Variants in DENND1B observed in about 807,000 individuals in gnomAD.
DENND1B encodes DENN domain-containing protein 1B.
In DENND1B, 59 loss-of-function variants were observed where a neutral mutation model predicts 90.1. The ratio of observed to expected loss-of-function variants is 0.65; its 90% CI spans 0.53 to 0.81. The LOEUF (loss-of-function observed/expected upper bound fraction) is 0.81. Among genes scored for constraint, DENND1B ranks in the 40% least tolerant of loss-of-function variants. DENND1B has a pLI of 0.00. For synonymous variants in DENND1B, 337 were observed against 324.6 expected, an observed-to-expected ratio of 1.04 and a Z score of -0.41; for missense variants, 862 against 912.6, an observed-to-expected ratio of 0.94 and a Z score of 0.71.
intron 10 of DENND1B, among the ~76,000 whole-genome samples, chr1:197,636,922 G>A (rs767052062): frequency 6.6e-6 from 1 of 151,940 alleles, no homozygotes; most frequent in African/African-American, 2.4e-5. Context: ...GGGAAAAGAT[G>A]GCGAGTTGCA....
At chr1:197,686,758 A>AT (rs1657284598) in intron 3 of DENND1B, among the ~76,000 whole-genome samples, 1 of 146,722 alleles carries the variant, frequency 6.8e-6, no homozygotes, top group South Asian at 2.2e-4. Flanking sequence ...TATCTTTGTC[A>AT]TTTCTTTTCA....
At chr1:197,694,930 C>A (rs183633258) in intron 3 of DENND1B, among the ~76,000 whole-genome samples, 1 of 151,076 alleles carries the variant, frequency 6.6e-6, no homozygotes, top group African/African-American at 2.4e-5. Context: ...CTAAAATGTA[C>A]GCAAAAATAT....
chr1:197,642,880 AT>A, intron 9 of DENND1B, 59 bp from the exon 10 acceptor site: 1 of 1,150,512 alleles, frequency 8.7e-7, no homozygotes. Flanking sequence ...GAAGAAAAAC[AT>A]TTTACACACT....
chr1:197,604,999 G>A (rs1676540286), intron 13 of DENND1B, among the ~76,000 whole-genome samples: 1 of 150,930 alleles, frequency 6.6e-6, no homozygotes, highest in South Asian at 2.1e-4. Context: ...TTCAGTAAAT[G>A]GTCCTAGCTC....
Position 197,587,465 on chromosome 1 carries a change from A to T in DENND1B, c.1048-4212T>A, listed in dbSNP as rs115926980. Among the ~76,000 whole-genome samples, 898 of 152,324 alleles carry T rather than the reference A, an allele frequency of 5.9e-3. 13 individuals carry two copies. Among genetic ancestry groups the T allele is most frequent in the African/African-American group, 0.02 (841 of 41,566 alleles). ...GCCCAACAAAGGAACATAAACAGCT[A>T]TCAGGAAAACATAATCTGCAGTAGA... On this transcript the variant is annotated intron_variant, in intron 14 of 22. Coordinates refer to ENST00000620048, the MANE Select transcript of DENND1B (RefSeq NM_001195215.2).
chr1:197,592,979 T>C (rs1354095023), intron 14 of DENND1B, among the ~76,000 whole-genome samples: 1 of 152,114 alleles, frequency 6.6e-6, no homozygotes, highest in Admixed American at 6.6e-5. Flanking sequence ...GAAACTTCTC[T>C]CTGCACTTAG....
At chr1:197,525,244 T>C (rs1669060666) in intron 20 of DENND1B, among the ~76,000 whole-genome samples, 1 of 152,168 alleles carries the variant, frequency 6.6e-6, no homozygotes, top group African/African-American at 2.4e-5. Flanking sequence ...AAATACATTG[T>C]TTCATTATTT....
At chr1:197,662,817 TCCA>T (rs976764434) in intron 5 of DENND1B, among the ~76,000 whole-genome samples, 1 of 152,084 alleles carries the variant, frequency 6.6e-6, no homozygotes, top group Non-Finnish European at 1.5e-5. Flanking sequence ...ATATGTCCTA[TCCA>T]CTGAAGCAAA....
chr1:197,677,346 G>T (rs1163021706), intron 3 of DENND1B, among the ~76,000 whole-genome samples: 21 of 151,990 alleles, frequency 1.4e-4, no homozygotes, highest in Admixed American at 1.4e-3. Context: ...ACTACTTTCT[G>T]GTATGACTTT....
At chr1:197,624,480 A>G (rs1678468266) in intron 10 of DENND1B, among the ~76,000 whole-genome samples, 1 of 151,698 alleles carries the variant, frequency 6.6e-6, no homozygotes, top group South Asian at 2.1e-4. Context: ...AGAGGATAAT[A>G]CAGGAGAAAA....
At chr1:197,639,531 G>A (rs1281712935) in intron 10 of DENND1B, among the ~76,000 whole-genome samples, 1 of 152,036 alleles carries the variant, frequency 6.6e-6, no homozygotes, top group Non-Finnish European at 1.5e-5. Context: ...GTAAATAACT[G>A]AGACAAAATT....
chr1:197,642,987 C>T (rs539592064), intron 9 of DENND1B, among the ~76,000 whole-genome samples, 166 bp from the exon 10 acceptor site: 2 of 152,174 alleles, frequency 1.3e-5, no homozygotes, highest in African/African-American at 4.8e-5. Flanking sequence ...ACATAAAGTA[C>T]ATAATATTCT....
rs763862664 is a variant in DENND1B at position 197,715,078 on chromosome 1, T to TA, written c.83-5dup. 7.3e-5 allele frequency: 118 copies of TA among 1,609,926 alleles called. No individual in the cohort carries two copies. The highest frequency in any genetic ancestry group is 3.4e-4 in the East Asian group (15 of 44,714). ...AATTTCCACAATACCACAGGATCTG[T>TA]AAATAATTGACATGTATAATTAAAC... On this transcript the variant is annotated splice_region_variant and splice_polypyrimidine_tract_variant and intron_variant, in intron 2 of 22. Transcript: ENST00000620048.
chr1:197,588,354 G>T (rs1886627), intron 14 of DENND1B, among the ~76,000 whole-genome samples: 145,953 of 152,280 alleles, frequency 0.96, 70,247 homozygotes, highest in East Asian at 1. Context: ...ATATTGTACC[G>T]GGAGTAGAAA....
At chr1:197,730,396 AT>A (rs1436818172) in intron 2 of DENND1B, among the ~76,000 whole-genome samples, 2 of 152,120 alleles carry the variant, frequency 1.3e-5, no homozygotes, top group African/African-American at 4.8e-5. Context: ...TCCATGTGGA[AT>A]GTGGGCCCAG....
chr1:197,538,116 T>C (rs1397547371), intron 20 of DENND1B, among the ~76,000 whole-genome samples: 1 of 152,140 alleles, frequency 6.6e-6, no homozygotes, highest in East Asian at 1.9e-4. Context: ...GTTTCTCCAA[T>C]ATAAATAATG....
At chr1:197,524,567 G>C (rs1019275282) in intron 20 of DENND1B, among the ~76,000 whole-genome samples, 15 of 152,104 alleles carry the variant, frequency 9.9e-5, no homozygotes, top group African/African-American at 3.4e-4. Flanking sequence ...TAAAAAGGAA[G>C]AGTAAAAATA....
At chr1:197,665,618 G>A (rs1233740851) in intron 5 of DENND1B, among the ~76,000 whole-genome samples, 1 of 152,006 alleles carries the variant, frequency 6.6e-6, no homozygotes, top group Non-Finnish European at 1.5e-5. Context: ...TATTTCTAAT[G>A]AAAATATTCT....
chr1:197,741,215 G>A (rs1242081493), intron 2 of DENND1B, among the ~76,000 whole-genome samples: 1 of 152,156 alleles, frequency 6.6e-6, no homozygotes, highest in Non-Finnish European at 1.5e-5. Context: ...TCCTGCCAGA[G>A]TCCTCTCACT....
Sources: allele counts gnomAD v4.1 joint callset (sites outside exome capture counted in the v4.1 genomes callset), GRCh38; gene constraint gnomAD v4.1.1; transcripts MANE v1.5; gene names NCBI Gene and HGNC (gene_info 2026-07-23, HGNC 2026-07-21).